The following UBFD1 variants were observed in gnomAD, a reference collection of about 807,000 sequenced individuals.
UBFD1 encodes ubiquitin family domain containing 1.
Under a neutral mutation model 35.1 loss-of-function variants are expected in UBFD1, and 12 were observed. That is an observed-to-expected ratio of 0.34 (90% CI 0.22 to 0.55). The LOEUF is 0.55. Ranked by LOEUF, UBFD1 falls within the 20% of genes least tolerant of loss-of-function variation. The pLI, the probability that UBFD1 is intolerant of heterozygous loss-of-function variation, is 0.89. For missense variants in UBFD1, 337 were observed against 410.8 expected, an observed-to-expected ratio of 0.82 and a Z score of 1.55; for synonymous variants, 178 against 167.6, an observed-to-expected ratio of 1.06 and a Z score of -0.48.
chr16:23,570,727 G>C lies in UBFD1; in HGVS notation c.*137G>C. The C allele has an allele frequency of 1.6e-6, 1 of 638,592 alleles. No homozygotes were observed. Among genetic ancestry groups the C allele is most frequent in the Non-Finnish European group, 2.6e-6 (1 of 380,004 alleles). The allele number at this position is 638,592 out of a possible 1,614,324, so 39.6% of individuals were successfully genotyped here. On this transcript the variant is annotated 3_prime_UTR_variant, in exon 7 of 7. Coordinates refer to ENST00000395878, the MANE Select transcript of UBFD1 (RefSeq NM_019116.3). ...TATATTCAATCTGAGGTGATGTGGTGACTGAAGCCAGAGGTGATGTACTTT... is the reference window on the plus strand; with the variant it reads ...TATATTCAATCTGAGGTGATGTGGTCACTGAAGCCAGAGGTGATGTACTTT...
At position 23,571,422 on chromosome 16, in the gene UBFD1, G is replaced by A. The variant is rs967255844; in HGVS notation, c.*832G>A. ...GAGTTCCATTGCTGGTTGGATGATTGTCTGCACCCCTCACTGAGCTTGGCC... is the reference window on the plus strand; with the variant it reads ...GAGTTCCATTGCTGGTTGGATGATTATCTGCACCCCTCACTGAGCTTGGCC... On this transcript the variant is annotated 3_prime_UTR_variant, in exon 7 of 7. Transcript: ENST00000395878. The A allele has an allele frequency of 1.4e-4, 22 of 152,390 alleles. No homozygotes were observed. The highest frequency in any genetic ancestry group is 1.2e-3 in the Admixed American group (18 of 15,286). 9.4% of individuals were successfully genotyped at this position (152,390 alleles called of 1,614,324 possible).
At chr16:23,559,717 G>T in intron 3 of UBFD1, 41 bp downstream of exon 3, 1 of 1,612,914 alleles carries the variant, frequency 6.2e-7, no homozygotes, top group African/African-American at 1.3e-5. Context: ...GAAATTTGAG[G>T]CTTTGTCCTC....
At position 23,571,017 on chromosome 16, in the gene UBFD1, T is replaced by C. The variant is rs1966076542; in HGVS notation, c.*427T>C. 6.5e-6 allele frequency: 1 copy of C among 152,822 alleles called. No homozygotes were observed. The highest frequency in any genetic ancestry group is 2.4e-5 in the African/African-American group (1 of 41,432). The allele number at this position is 152,822 out of a possible 1,614,324, so 9.5% of individuals were successfully genotyped here. On this transcript the variant is annotated 3_prime_UTR_variant, in exon 7 of 7. Transcript: ENST00000395878. ...TTTGGTTGCAAACATTTGGACTGCATTGCAATGAGTTGGGGTGTTTTTTTT... is the reference window on the plus strand; with the variant it reads ...TTTGGTTGCAAACATTTGGACTGCACTGCAATGAGTTGGGGTGTTTTTTTT...
chr16:23,558,318 C>T (rs1360542749), intron 2 of UBFD1, 39 bp downstream of exon 2: 1 of 1,592,032 alleles, frequency 6.3e-7, no homozygotes. Flanking sequence ...TTCCCCACCC[C>T]GCCTCCTGAT....
intron 5 of UBFD1, among the ~76,000 whole-genome samples, chr16:23,563,226 G>A (rs1276899619): frequency 6.6e-6 from 1 of 152,108 alleles, no homozygotes; most frequent in East Asian, 1.9e-4. Flanking sequence ...TATCTTAGAA[G>A]TAGCCAGCTT....
chr16:23,572,115 C>T lies in UBFD1; in HGVS notation c.*1525C>T, dbSNP rs542384103. ...AGCCAGTTAATGATGATATTCTACG[C>T]CCTTCCCTTCTAAGCTGTAGTTCAG... On this transcript the variant is annotated 3_prime_UTR_variant, in exon 7 of 7. Transcript: ENST00000395878. 1 of 152,794 alleles carries T rather than the reference C, an allele frequency of 6.5e-6. No homozygotes were observed. Among genetic ancestry groups the T allele is most frequent in the East Asian group, 1.9e-4 (1 of 5,188 alleles). The allele number at this position is 152,794 out of a possible 1,614,324, so 9.5% of individuals were successfully genotyped here.
intron 6 of UBFD1, chr16:23,568,940 T>A (rs1425992101): frequency 1.3e-5 from 2 of 152,168 alleles, no homozygotes; most frequent in East Asian, 1.9e-4. Context: ...GTAGGGTTTG[T>A]AGCCTGACTT....
intron 6 of UBFD1, 53 bp from the exon 7 acceptor site, chr16:23,570,427 G>A: frequency 7.4e-7 from 1 of 1,352,762 alleles, no homozygotes; most frequent in Non-Finnish European, 1.1e-6. Flanking sequence ...TGTCCTGCCT[G>A]CTTGGTCTCC....
intron 3 of UBFD1, chr16:23,559,890 C>T: frequency 6.5e-7 from 1 of 1,528,144 alleles, no homozygotes. Flanking sequence ...TCAAGTCTAC[C>T]TACTTTAGGA....
chr16:23,557,979 G>T lies in UBFD1; in HGVS notation c.55G>T (p.Ala19Ser), dbSNP rs749771687. 19 of 1,371,854 alleles carry T rather than the reference G, an allele frequency of 1.4e-5. No homozygotes were observed. In the South Asian group the frequency reaches 3.9e-4, roughly 28 times the overall value. The allele number at this position is 1,371,854 out of a possible 1,614,324, so 85.0% of individuals were successfully genotyped here. A position where few individuals can be genotyped will look rare whatever the true frequency, so the allele number is the denominator to read the frequency against. Residue 19 changes from alanine (A) to serine (S), a missense_variant, in exon 2 of 7, where the codon GCC becomes TCC. Physicochemically the swap from Ala to Ser is moderately conservative, Grantham distance 99. Around this residue, in one of 4 missense-constraint regions of UBFD1, gnomAD observed 198 missense variants for 168.4 expected, o/e 1.18. Coordinates refer to ENST00000395878, the MANE Select transcript of UBFD1 (RefSeq NM_019116.3). ...GMEEPGMDTE[A>S]ETVATEAPAR... ...GGAGGAACCTGGCATGGACACGGAG[G>T]CCGAGACTGTGGCTACTGAGGCTCC... is the stretch of plus-strand genomic sequence containing the variant.
Position 23,560,066 on chromosome 16 carries a change from A to G in UBFD1, c.564+390A>G, listed in dbSNP as rs116995101. The stretch of plus-strand genomic sequence containing the variant: ...TTGGTTTGTGGCTTTCCCCAAGTCA[A>G]CAAGCCTGGCTAGGCATGGAAATCA... On this transcript the variant is annotated intron_variant, in intron 3 of 6. Transcript: ENST00000395878. Among the ~76,000 whole-genome samples, 42 of 152,294 alleles carry G rather than the reference A, an allele frequency of 2.8e-4. No individual in the cohort carries two copies. The East Asian group carries it at 7.9e-3, about 29-fold the overall frequency.
At chr16:23,566,690 A>G (rs143789003) in intron 5 of UBFD1, 35 of 263,308 alleles carry the variant, frequency 1.3e-4, no homozygotes, top group Non-Finnish European at 2.3e-4. Context: ...ATATTTATTA[A>G]CCATCAGACT....
intron 2 of UBFD1, 139 bp downstream of exon 2, chr16:23,558,418 C>G: frequency 9.1e-7 from 1 of 1,098,558 alleles, no homozygotes; most frequent in Non-Finnish European, 1.3e-6. Context: ...ACTTGGATGC[C>G]CATTACTCAG....
At chr16:23,562,042 T>G (rs1965942802) in intron 3 of UBFD1, 164 bp from the exon 4 acceptor site, 1 of 611,398 alleles carries the variant, frequency 1.6e-6, no homozygotes, top group Non-Finnish European at 2.8e-6. Context: ...CAGAAAGTTC[T>G]GCTGGACAGC....
At chr16:23,565,340 T>A (rs1386166766) in intron 5 of UBFD1, 1 of 152,166 alleles carries the variant, frequency 6.6e-6, no homozygotes, top group Non-Finnish European at 1.5e-5. Context: ...GAGAACAAGC[T>A]CCAGGCAGGA....
At chr16:23,569,585 A>G (rs1966056460) in intron 6 of UBFD1, 1 of 152,194 alleles carries the variant, frequency 6.6e-6, no homozygotes, top group African/African-American at 2.4e-5. Context: ...ACAGAAAAGA[A>G]AGAGAATAAC....
chr16:23,568,023 G>A (rs991524906), intron 6 of UBFD1, among the ~76,000 whole-genome samples: 2 of 152,244 alleles, frequency 1.3e-5, no homozygotes, highest in Admixed American at 6.5e-5. Context: ...AGCCCTGTTG[G>A]CATCCTGCCT....
chr16:23,562,586 A>T (rs1185515710), intron 4 of UBFD1, 39 bp from the exon 5 acceptor site: 3 of 1,590,548 alleles, frequency 1.9e-6, no homozygotes, highest in Admixed American at 3.5e-5. Flanking sequence ...TTTTTTTCTG[A>T]CTGTCCCTCC....
At chr16:23,558,765 ATTTCT>A (rs1303386112) in intron 2 of UBFD1, among the ~76,000 whole-genome samples, 3 of 149,154 alleles carry the variant, frequency 2.0e-5, no homozygotes, top group African/African-American at 2.5e-5. Flanking sequence ...GCCATCTGAG[ATTTCT>A]TTTCTTTTTC....
Sources: allele counts gnomAD v4.1 joint callset (sites outside exome capture counted in the v4.1 genomes callset), GRCh38; gene constraint gnomAD v4.1.1; regional missense constraint gnomAD v4.1.1; transcripts MANE v1.5; gene names NCBI Gene and HGNC (gene_info 2026-07-23, HGNC 2026-07-21).